Variants in FUBP3 observed in about 807,000 individuals in gnomAD.
FUBP3 encodes far upstream element binding protein 3, also known as far upstream element-binding protein 3.
In FUBP3, 28 loss-of-function variants were observed where a neutral mutation model predicts 85.6. That is an observed-to-expected ratio of 0.33 (90% CI 0.24 to 0.45). FUBP3 has a LOEUF of 0.45. Among genes scored for constraint, FUBP3 ranks in the 20% least tolerant of loss-of-function variants. FUBP3 has a pLI of 1.00. For synonymous variants in FUBP3, 271 were observed against 271.4 expected (o/e 1.00, Z 0.01); for missense variants, 583 against 755.1 (o/e 0.77, Z 2.67).
At chr9:130,602,163 C>T (rs1284562751) in intron 2 of FUBP3, among the ~76,000 whole-genome samples, 2 of 152,150 alleles carry the variant, frequency 1.3e-5, no homozygotes, top group Non-Finnish European at 2.9e-5. Context: ...GTATACACTA[C>T]CCACTCACCA....
At chr9:130,605,116 G>A (rs967373715) in intron 2 of FUBP3, among the ~76,000 whole-genome samples, 2 of 152,056 alleles carry the variant, frequency 1.3e-5, no homozygotes, top group African/African-American at 2.4e-5. Context: ...TGACACTGGC[G>A]TAAATGAAAG....
intron 17 of FUBP3, among the ~76,000 whole-genome samples, chr9:130,634,955 G>A (rs901150317): frequency 1.1e-4 from 16 of 152,138 alleles, no homozygotes; most frequent in African/African-American, 2.9e-4. Flanking sequence ...CCTGCGACTC[G>A]GCACATCCCC....
intron 2 of FUBP3, among the ~76,000 whole-genome samples, chr9:130,608,698 C>T (rs955959279): frequency 2.3e-4 from 35 of 152,296 alleles, no homozygotes; most frequent in African/African-American, 7.9e-4. Flanking sequence ...TGTCTAGTGT[C>T]AATATTTTGG....
intron 9 of FUBP3, among the ~76,000 whole-genome samples, chr9:130,621,652 A>T (rs1465917489): frequency 6.6e-5 from 10 of 152,226 alleles, no homozygotes; most frequent in Admixed American, 6.5e-4. Flanking sequence ...CACGCCTGTA[A>T]TCCCAGCACT....
At chr9:130,634,276 C>A (rs933434434) in intron 16 of FUBP3, among the ~76,000 whole-genome samples, 1 of 152,208 alleles carries the variant, frequency 6.6e-6, no homozygotes, top group Non-Finnish European at 1.5e-5. Context: ...CCTCCACTTC[C>A]CTTGGTCCAG....
intron 12 of FUBP3, among the ~76,000 whole-genome samples, chr9:130,628,556 A>G (rs138036914): frequency 1.3e-5 from 2 of 152,092 alleles, no homozygotes; most frequent in African/African-American, 2.4e-5. Flanking sequence ...TCCTCACCTT[A>G]TTAGCATGTT....
chr9:130,583,708 G>A (rs575729263), intron 1 of FUBP3, among the ~76,000 whole-genome samples: 95 of 152,260 alleles, frequency 6.2e-4, no homozygotes, highest in African/African-American at 2.0e-3. Context: ...AGTACCTGGC[G>A]GAGTGAGTCT....
intron 6 of FUBP3, among the ~76,000 whole-genome samples, chr9:130,614,572 C>T (rs2119076533): frequency 6.6e-6 from 1 of 152,322 alleles, no homozygotes; most frequent in Non-Finnish European, 1.5e-5. Context: ...GCTGTCATAA[C>T]ATCTACTTCA....
intron 1 of FUBP3, among the ~76,000 whole-genome samples, chr9:130,585,322 T>C (rs1276300890): frequency 6.6e-6 from 1 of 152,208 alleles, no homozygotes; most frequent in East Asian, 1.9e-4. Flanking sequence ...TTGCTATTGT[T>C]TTATACTGTT....
At position 130,637,129 on chromosome 9, in the gene FUBP3, T is replaced by C; in HGVS notation, c.*107T>C. On this transcript the variant is annotated 3_prime_UTR_variant, in exon 19 of 19. Coordinates refer to ENST00000319725, the MANE Select transcript of FUBP3 (RefSeq NM_003934.2). ...AACCTTTTGATGAAGAACTGTTGTT[T>C]TGTTCTGTGAAACACTATATTTAGA... 3.2e-6 allele frequency: 3 copies of C among 926,442 alleles called. No homozygotes were observed. Among genetic ancestry groups the C allele is most frequent in the Non-Finnish European group, 5.3e-6 (3 of 560,796 alleles). 57.4% of individuals were successfully genotyped at this position (926,442 alleles called of 1,614,324 possible). A position where few individuals can be genotyped will look rare whatever the true frequency, so the allele number is the denominator to read the frequency against.
intron 1 of FUBP3, chr9:130,581,918 G>A (rs1434504585): frequency 6.6e-6 from 1 of 152,188 alleles, no homozygotes; most frequent in Non-Finnish European, 1.5e-5. Context: ...GGTGTGTGAA[G>A]TCCAACACCT....
In FUBP3 at chr9:130,597,724, A is replaced by G. The variant is rs116156078; in HGVS notation, c.190+2136A>G. 2.8e-3 allele frequency among the ~76,000 whole-genome samples: 425 copies of G among 152,336 alleles called. 5 individuals carry two copies. Among genetic ancestry groups the G allele is most frequent in the African/African-American group, 9.4e-3 (392 of 41,570 alleles). On this transcript the variant is annotated intron_variant, in intron 2 of 18. Coordinates refer to ENST00000319725, the MANE Select transcript of FUBP3 (RefSeq NM_003934.2). Reference sequence around the variant, plus strand: ...AACTCAAATTCTACACGTGGAGAACAGCTTGGAGAAAAAAACAATATGTGT... The same window carrying G: ...AACTCAAATTCTACACGTGGAGAACGGCTTGGAGAAAAAAACAATATGTGT...
intron 8 of FUBP3, among the ~76,000 whole-genome samples, chr9:130,618,425 C>A (rs1287947196): frequency 5.9e-5 from 9 of 152,234 alleles, no homozygotes; most frequent in Non-Finnish European, 1.5e-5. Context: ...GCACCAGAGC[C>A]ACCCAAGTGC....
At position 130,612,805 on chromosome 9, in the gene FUBP3, T is replaced by G. The variant is rs913974381; in HGVS notation, c.275-151T>G. ...TCACAAGGGCTTTCTGCTGCCATCA[T>G]GCCCAAAGAGTGGAGATGGGCTCAC... On this transcript the variant is annotated intron_variant, in intron 4 of 18. Coordinates refer to ENST00000319725, the MANE Select transcript of FUBP3 (RefSeq NM_003934.2). This position sits in a 1 kb window ranked among gnomAD's most constrained non-coding sequence, Gnocchi z 4.1. 5 of 642,208 alleles carry G rather than the reference T, an allele frequency of 7.8e-6. No individual in the cohort carries two copies. Among genetic ancestry groups the G allele is most frequent in the South Asian group, 1.9e-5 (1 of 52,788 alleles). 39.8% of individuals were successfully genotyped at this position (642,208 alleles called of 1,614,324 possible).
intron 1 of FUBP3, among the ~76,000 whole-genome samples, chr9:130,587,996 TC>T (rs781061855): frequency 2.0e-5 from 3 of 152,234 alleles, no homozygotes; most frequent in African/African-American, 7.2e-5. Flanking sequence ...GTCATAGAAT[TC>T]TTTATTTCAA....
chr9:130,616,308 G>T lies in FUBP3; in HGVS notation c.405-47G>T. 2 of 1,588,470 alleles carry T rather than the reference G, an allele frequency of 1.3e-6. No individual in the cohort carries two copies. The highest frequency in any genetic ancestry group is 1.7e-6 in the Non-Finnish European group (2 of 1,157,878). ...TATTTCCCTGTCTTGCACACTTAGA[G>T]CCTCCATTTAATGCTGGTTCTCTTG... On this transcript the variant is annotated intron_variant, in intron 6 of 18. Coordinates refer to ENST00000319725, the MANE Select transcript of FUBP3 (RefSeq NM_003934.2). This position sits in a 1 kb window ranked among gnomAD's most constrained non-coding sequence, Gnocchi z 4.7.
intron 2 of FUBP3, among the ~76,000 whole-genome samples, chr9:130,598,289 C>T (rs918967785): frequency 6.6e-6 from 1 of 152,302 alleles, no homozygotes; most frequent in Non-Finnish European, 1.5e-5. Flanking sequence ...ATGCAGAGGA[C>T]GCAGCAGATA....
At position 130,635,761 on chromosome 9, in the gene FUBP3, A is replaced by G; in HGVS notation, c.1583-238A>G. 2 of 391,052 alleles carry G rather than the reference A, an allele frequency of 5.1e-6. No individual in the cohort carries two copies. The highest frequency in any genetic ancestry group is 9.3e-6 in the Non-Finnish European group (2 of 215,638). 24.2% of individuals were successfully genotyped at this position (391,052 alleles called of 1,614,324 possible). A position where few individuals can be genotyped will look rare whatever the true frequency, so the allele number is the denominator to read the frequency against. On this transcript the variant is annotated intron_variant, in intron 17 of 18. Transcript: ENST00000319725. This position sits in a 1 kb window ranked among gnomAD's most constrained non-coding sequence, Gnocchi z 4.3. ...GGAGATGCAGAGAATGCGCTTCCGC[A>G]GAGAGAAGGCAGGCGTGAGGATTGG...
intron 11 of FUBP3, among the ~76,000 whole-genome samples, chr9:130,624,502 G>A (rs1427988308): frequency 2.6e-5 from 4 of 152,114 alleles, no homozygotes; most frequent in African/African-American, 7.2e-5. Context: ...TTTATAAAAC[G>A]GCCACTAAAT....
Sources: allele counts gnomAD v4.1 joint callset (sites outside exome capture counted in the v4.1 genomes callset), GRCh38; gene constraint gnomAD v4.1.1; non-coding constraint Gnocchi (gnomAD v3.1); transcripts MANE v1.5; gene names NCBI Gene and HGNC (gene_info 2026-07-23, HGNC 2026-07-21).